ARMC6: variants seen among roughly 807,000 people sequenced by gnomAD.
The protein encoded by ARMC6 is armadillo repeat-containing protein 6.
In ARMC6, 43 loss-of-function variants were observed where a neutral mutation model predicts 49.2. That is an observed-to-expected ratio of 0.87 (90% CI 0.69 to 1.13). ARMC6 has a LOEUF of 1.13. ARMC6 is among the 50% of genes most tolerant of loss of function. The pLI is 0.00. For missense variants in ARMC6, 627 were observed against 682.0 expected (o/e 0.92, Z 0.90); for synonymous variants, 262 against 289.6 (o/e 0.90, Z 0.97).
At chr19:19,054,652 T>C (rs558352417) in intron 6 of ARMC6, among the ~76,000 whole-genome samples, 3 of 152,238 alleles carry the variant, frequency 2.0e-5, no homozygotes, top group Non-Finnish European at 4.4e-5. Flanking sequence ...TTACTCCGTT[T>C]AGCAGCCGAT....
intron 2 of ARMC6, among the ~76,000 whole-genome samples, chr19:19,039,934 G>T (rs1005086555): frequency 6.6e-6 from 1 of 152,072 alleles, no homozygotes. Flanking sequence ...GAGCTGTGCT[G>T]TGCAATACCA....
chr19:19,041,044 G>T lies in ARMC6; in HGVS notation c.30-1667G>T, dbSNP rs370706963. On this transcript the variant is annotated intron_variant, in intron 2 of 8. Transcript: ENST00000535612. Reference sequence around the variant, plus strand: ...AGACAGGGCCTCCCCATGTTGTCCAGGCTAGTGTTGAACTCCTGGCCTCAA... The same window carrying T: ...AGACAGGGCCTCCCCATGTTGTCCATGCTAGTGTTGAACTCCTGGCCTCAA... Among the ~76,000 whole-genome samples, 4 of 152,104 alleles carry T rather than the reference G, an allele frequency of 2.6e-5. No homozygotes were observed. The East Asian group carries it at 7.7e-4, about 29-fold the overall frequency.
rs767177006 is a variant in ARMC6, at chr19:19,042,734, C to G, written c.53C>G (p.Thr18Arg). The G allele has an allele frequency of 2.5e-6, 4 of 1,613,508 alleles. No homozygotes were observed. The highest frequency in any genetic ancestry group is 3.4e-6 in the Non-Finnish European group (4 of 1,180,020). ...AGCTCAGGAGCATCTATCGGCTGCA[C>G]GCCAACATCAACACAGGCGAAGATG... ...RYSSGASIGC[T>R]PTSTQAKMVS... Residue 18 changes from threonine to arginine, a missense_variant, in exon 3 of 9, where the codon ACG (threonine) becomes AGG (arginine). Physicochemically the swap from Thr to Arg is moderately conservative, Grantham distance 71 (BLOSUM62 -1). Coordinates refer to ENST00000535612, the MANE Select transcript of ARMC6 (RefSeq NM_001199196.2).
At chr19:19,054,940 C>G (rs2059530844) in intron 6 of ARMC6, among the ~76,000 whole-genome samples, 1 of 152,224 alleles carries the variant, frequency 6.6e-6, no homozygotes, top group East Asian at 1.9e-4. Flanking sequence ...CCCAGTAGCA[C>G]CTCATCCACT....
chr19:19,056,650 GT>G (rs2059547221), intron 8 of ARMC6, among the ~76,000 whole-genome samples: 1 of 152,172 alleles, frequency 6.6e-6, no homozygotes, highest in African/African-American at 2.4e-5. Context: ...TTTCAGAAAG[GT>G]TTCTGCCCCC....
rs780491687 is a variant in ARMC6 at position 19,043,972 on chromosome 19, G to C, written c.197-20G>C. 1.2e-6 allele frequency: 2 copies of C among 1,611,538 alleles called. No homozygotes were observed. The highest frequency in any genetic ancestry group is 2.7e-5 in the African/African-American group (2 of 74,844). ...CTTTCTTTCTGACCCCTGTGTGCTT[G>C]CTTCCCCCACCCCCAACAGGGGTTG... On this transcript the variant is annotated intron_variant, in intron 3 of 8. Transcript: ENST00000535612.
intron 4 of ARMC6, 92 bp from the exon 5 acceptor site, chr19:19,051,530 G>T: frequency 8.2e-7 from 1 of 1,223,222 alleles, no homozygotes. Flanking sequence ...AGATCCCAGG[G>T]GAGGGAACCT....
chr19:19,055,428 G>A lies in ARMC6; in HGVS notation c.1155+32G>A. The A allele has an allele frequency of 6.4e-7, 1 of 1,563,076 alleles. No individual in the cohort carries two copies. Among genetic ancestry groups the A allele is most frequent in the African/African-American group, 1.4e-5 (1 of 73,214 alleles). ...ACCTCGGGGGGCACACACAGTAGCA[G>A]GGTGGTGGCTGGAGTCCCAGTTCAG... On this transcript the variant is annotated intron_variant, in intron 7 of 8. Coordinates refer to ENST00000535612, the MANE Select transcript of ARMC6 (RefSeq NM_001199196.2). This position sits in a 1 kb window ranked among gnomAD's most constrained non-coding sequence, Gnocchi z 5.7.
In ARMC6 at chr19:19,057,611, G is replaced by T. The variant is rs748878475; in HGVS notation, c.1489G>T (p.Gly497Cys). The T allele has an allele frequency of 6.2e-7, 1 of 1,612,600 alleles. No homozygotes were observed. The highest frequency in any genetic ancestry group is 1.1e-5 in the South Asian group (1 of 91,080). Residue 497 changes from glycine to cysteine, a missense_variant, in exon 9 of 9, where the codon GGC (glycine) becomes TGC (cysteine). Coordinates refer to ENST00000535612, the MANE Select transcript of ARMC6 (RefSeq NM_001199196.2). ...ELRELWTGQRGNLAP is the reference protein window; with the variant it reads ...ELRELWTGQRCNLAP The stretch of plus-strand genomic sequence containing the variant: ...CCGAGAGCTGTGGACAGGCCAGAGG[G>T]GCAACCTGGCGCCATGACCCCAGGC...
intron 2 of ARMC6, among the ~76,000 whole-genome samples, chr19:19,041,600 C>T (rs980441595): frequency 6.6e-6 from 1 of 152,198 alleles, no homozygotes; most frequent in African/African-American, 2.4e-5. Flanking sequence ...CCACCTGCCT[C>T]GGCCTCCCAA....
At chr19:19,043,768 T>A (rs893969742) in intron 3 of ARMC6, among the ~76,000 whole-genome samples, 1 of 152,112 alleles carries the variant, frequency 6.6e-6, no homozygotes, top group East Asian at 1.9e-4. Flanking sequence ...ACGGCCTCAC[T>A]ACCACTCTGC....
chr19:19,039,474 C>T (rs561597274), intron 2 of ARMC6: 12 of 388,766 alleles, frequency 3.1e-5, no homozygotes, highest in Non-Finnish European at 5.2e-5. Context: ...AGTTGTACAA[C>T]CATCATCACT....
chr19:19,047,894 G>T (rs184951181), intron 4 of ARMC6, among the ~76,000 whole-genome samples: 2 of 152,228 alleles, frequency 1.3e-5, no homozygotes, highest in African/African-American at 4.8e-5. Context: ...GAAAGCCGGG[G>T]CTTCCAGGTC....
At position 19,034,016 on chromosome 19, in the gene ARMC6, A is replaced by G. The variant is rs2059306528; in HGVS notation, c.-80+86A>G. On this transcript the variant is annotated intron_variant, in intron 1 of 8. Coordinates refer to ENST00000535612, the MANE Select transcript of ARMC6 (RefSeq NM_001199196.2). ...GGTCGGGCTGGCGCGACCCTCGGGT[A>G]CGTGGTTTGGGGGGAAAAAAAAAAT... 9.4e-6 allele frequency: 5 copies of G among 533,614 alleles called. No homozygotes were observed. The South Asian group carries it at 1.0e-4, about 11-fold the overall frequency. 33.1% of individuals were successfully genotyped at this position (533,614 alleles called of 1,614,324 possible).
chr19:19,055,918 C>T lies in ARMC6; in HGVS notation c.1283C>T (p.Ala428Val). The T allele has an allele frequency of 6.2e-7, 1 of 1,609,816 alleles. No homozygotes were observed. The highest frequency in any genetic ancestry group is 8.5e-7 in the Non-Finnish European group (1 of 1,179,100). The part of the protein sequence containing the change: ...LQAMKAHPQK[A>V]GVQKQACMLI... ...GCCATGAAGGCACACCCGCAGAAGG[C>T]CGGCGTGCAGGTGGGCAGGGCAGGG... is the stretch of plus-strand genomic sequence containing the variant. Residue 428 changes from alanine (A) to valine (V), a missense_variant, in exon 8 of 9, where the codon GCC (alanine) becomes GTC (valine). Coordinates refer to ENST00000535612, the MANE Select transcript of ARMC6 (RefSeq NM_001199196.2). The surrounding 1 kb of genome is among the most constrained non-coding windows in gnomAD (Gnocchi z 5.7).
chr19:19,057,965 G>A lies in ARMC6; in HGVS notation c.*337G>A, dbSNP rs1158032448. 1 of 410,920 alleles carries A rather than the reference G, an allele frequency of 2.4e-6. No homozygotes were observed. The highest frequency in any genetic ancestry group is 5.4e-5 in the East Asian group (1 of 18,658). 25.5% of individuals were successfully genotyped at this position (410,920 alleles called of 1,614,324 possible). A position where few individuals can be genotyped will look rare whatever the true frequency, so the allele number is the denominator to read the frequency against. ...TGTCTGAAATGTGGCAGCCACTGTG[G>A]GCCAGGCTCAGGGCAGGGCAGGCGA... is the stretch of plus-strand genomic sequence containing the variant. On this transcript the variant is annotated 3_prime_UTR_variant, in exon 9 of 9. Transcript: ENST00000535612.
At chr19:19,037,504 C>A in intron 2 of ARMC6, 1 of 477,086 alleles carries the variant, frequency 2.1e-6, no homozygotes, top group Non-Finnish European at 3.9e-6. Flanking sequence ...ATAGCTGTAA[C>A]TACAGGTGCA....
chr19:19,037,000 A>G (rs996158638), intron 2 of ARMC6, among the ~76,000 whole-genome samples: 2 of 152,264 alleles, frequency 1.3e-5, no homozygotes, highest in Admixed American at 6.5e-5. Flanking sequence ...AGCCTGGCCA[A>G]CATGGTGAAA....
chr19:19,041,601 G>A (rs557845734), intron 2 of ARMC6, among the ~76,000 whole-genome samples: 5 of 151,932 alleles, frequency 3.3e-5, no homozygotes, highest in African/African-American at 4.8e-5. Flanking sequence ...CACCTGCCTC[G>A]GCCTCCCAAA....
Sources: allele counts gnomAD v4.1 joint callset (sites outside exome capture counted in the v4.1 genomes callset), GRCh38; gene constraint gnomAD v4.1.1; non-coding constraint Gnocchi (gnomAD v3.1); transcripts MANE v1.5; gene names NCBI Gene and HGNC (gene_info 2026-07-23, HGNC 2026-07-21).